The following CDH12 variants were observed in gnomAD, a reference collection of about 807,000 sequenced individuals.
CDH12 encodes the protein cadherin-12.
A neutral mutation model predicts 74.1 loss-of-function variants in CDH12; 41 were observed. That is an observed-to-expected ratio of 0.55 (90% confidence interval 0.43 to 0.72). The LOEUF (loss-of-function observed/expected upper bound fraction) is 0.72. CDH12 is among the 30% of genes least tolerant of loss of function. The pLI, the probability that CDH12 is intolerant of heterozygous loss-of-function variation, is 0.00. For missense variants in CDH12, 945 were observed against 977.2 expected, an observed-to-expected ratio of 0.97 and a Z score of 0.44; for synonymous variants, 399 against 355.0, an observed-to-expected ratio of 1.12 and a Z score of -1.39.
chr5:22,324,186 C>T (rs778313919), intron 3 of CDH12, among the ~76,000 whole-genome samples: 69 of 152,114 alleles, frequency 4.5e-4, no homozygotes, highest in Middle Eastern at 6.8e-3. Flanking sequence ...AACTGTAGGT[C>T]ATAAAGATTC....
chr5:21,880,671 C>CTTTCT (rs1561268799), intron 6 of CDH12, among the ~76,000 whole-genome samples: 3 of 120,212 alleles, frequency 2.5e-5, no homozygotes, highest in Non-Finnish European at 5.3e-5. Context: ...TTCTTTCTTT[C>CTTTCT]TTTCTTTCTT....
In CDH12 at chr5:22,549,122, ATTTGTTTTTTT is replaced by A. The variant is rs561494766; in HGVS notation, c.-522-43769_-522-43759del. Among the ~76,000 whole-genome samples, 1,128 of 139,354 alleles carry A rather than the reference ATTTGTTTTTTT, an allele frequency of 8.1e-3. 8 individuals are homozygous for A. The highest frequency in any genetic ancestry group is 0.011 in the Admixed American group (143 of 12,522). The allele number at this position is 139,354 out of a possible 152,430, so 91.4% of individuals were successfully genotyped here. A position where few individuals can be genotyped will look rare whatever the true frequency, so the allele number is the denominator to read the frequency against. The stretch of plus-strand genomic sequence containing the variant: ...CCCTGGCCTAGTTTTTTGTTTGTTT[ATTTGTTTTTTT>A]TTTGTTTTTTTTGTTTTTTTGTAGA... On this transcript the variant is annotated intron_variant, in intron 1 of 14. Transcript: ENST00000382254.
chr5:22,196,209 A>G (rs1750610608), intron 4 of CDH12, among the ~76,000 whole-genome samples: 2 of 146,780 alleles, frequency 1.4e-5, no homozygotes, highest in African/African-American at 5.1e-5. Flanking sequence ...CAGTGGCATG[A>G]TCTCGGCTCA....
chr5:21,974,467 G>A (rs1317265671), intron 6 of CDH12, among the ~76,000 whole-genome samples: 2 of 151,902 alleles, frequency 1.3e-5, no homozygotes, highest in South Asian at 2.1e-4. Context: ...TTAGAATGAT[G>A]GTGCTACTAT....
intron 1 of CDH12, among the ~76,000 whole-genome samples, chr5:22,586,321 C>T (rs1740398483): frequency 6.6e-6 from 1 of 151,872 alleles, no homozygotes; most frequent in Non-Finnish European, 1.5e-5. Flanking sequence ...GGGAACATCA[C>T]ACACTGGGGC....
chr5:22,840,279 C>A (rs1238397437), intron 1 of CDH12, among the ~76,000 whole-genome samples: 3 of 151,950 alleles, frequency 2.0e-5, no homozygotes, highest in Non-Finnish European at 4.4e-5. Flanking sequence ...AGCCACCATA[C>A]CCGGCTAATT....
At chr5:22,270,238 G>T (rs945897778) in intron 3 of CDH12, among the ~76,000 whole-genome samples, 1 of 151,992 alleles carries the variant, frequency 6.6e-6, no homozygotes, top group African/African-American at 2.4e-5. Context: ...CACATCTATT[G>T]CTATTACTAA....
intron 2 of CDH12, among the ~76,000 whole-genome samples, chr5:22,493,819 G>C (rs1441713347): frequency 6.6e-6 from 1 of 152,138 alleles, no homozygotes; most frequent in Non-Finnish European, 1.5e-5. Flanking sequence ...ATGAGACCAT[G>C]GGACCTGGAA....
intron 6 of CDH12, among the ~76,000 whole-genome samples, chr5:21,893,795 A>G (rs1752998588): frequency 6.6e-6 from 1 of 152,226 alleles, no homozygotes; most frequent in Non-Finnish European, 1.5e-5. Flanking sequence ...AGTTATAAAG[A>G]AACAAATTTG....
rs767086583 is a variant in CDH12, at chr5:21,802,230, G to A, written c.1193C>T (p.Pro398Leu). ...LYTMEVYEDT[P>L]VGTIIGAVTA... ...GACAGCGCCAATGATGGTCCCTACC[G>A]GAGTGTCTTCATAAACCTCCATGGT... Residue 398 changes from proline (P) to leucine (L), a missense_variant, in exon 10 of 15, where the codon CCG becomes CTG. Transcript: ENST00000382254. 4.3e-6 allele frequency: 7 copies of A among 1,613,752 alleles called. No homozygotes were observed. Among genetic ancestry groups the A allele is most frequent in the African/African-American group, 1.3e-5 (1 of 74,974 alleles).
intron 5 of CDH12, among the ~76,000 whole-genome samples, chr5:22,049,593 A>T (rs917859330): frequency 7.9e-5 from 12 of 152,120 alleles, no homozygotes; most frequent in African/African-American, 2.9e-4. Flanking sequence ...CAATCCAAAC[A>T]TACCTAAAAT....
intron 4 of CDH12, among the ~76,000 whole-genome samples, chr5:22,082,251 T>C (rs1742786927): frequency 6.6e-6 from 1 of 152,218 alleles, no homozygotes; most frequent in Admixed American, 6.5e-5. Flanking sequence ...TCTTTCCTTA[T>C]TAAGTAGAGA....
At chr5:21,874,268 A>C (rs1397028585) in intron 6 of CDH12, among the ~76,000 whole-genome samples, 1 of 152,182 alleles carries the variant, frequency 6.6e-6, no homozygotes, top group African/African-American at 2.4e-5. Context: ...ATATGAAGGA[A>C]GGCTCAACAT....
At chr5:22,458,351 T>C (rs1388144031) in intron 2 of CDH12, among the ~76,000 whole-genome samples, 3 of 152,106 alleles carry the variant, frequency 2.0e-5, no homozygotes, top group Non-Finnish European at 4.4e-5. Context: ...TTAGATCCCA[T>C]CCTAAAAAAA....
chr5:22,195,700 A>G (rs977167366), intron 4 of CDH12, among the ~76,000 whole-genome samples: 7 of 152,108 alleles, frequency 4.6e-5, no homozygotes, highest in African/African-American at 1.7e-4. Context: ...GGATTCTCCA[A>G]CTCTCACTCT....
chr5:22,768,505 G>T (rs1746638295), intron 1 of CDH12, among the ~76,000 whole-genome samples: 1 of 151,930 alleles, frequency 6.6e-6, no homozygotes, highest in Non-Finnish European at 1.5e-5. Context: ...ATACATTAGT[G>T]ATTTTTATTA....
chr5:22,059,114 T>C (rs1199310429), intron 5 of CDH12, among the ~76,000 whole-genome samples: 2 of 152,130 alleles, frequency 1.3e-5, no homozygotes, highest in African/African-American at 2.4e-5. Context: ...CATGATCAGG[T>C]AGTGAATAAG....
intron 11 of CDH12, among the ~76,000 whole-genome samples, chr5:21,776,829 G>A (rs1383328015): frequency 6.6e-6 from 1 of 152,166 alleles, no homozygotes; most frequent in Non-Finnish European, 1.5e-5. Flanking sequence ...CCCAAGACAG[G>A]ACCTGTGATG....
chr5:22,151,677 C>T (rs1471829706), intron 4 of CDH12, among the ~76,000 whole-genome samples: 1 of 152,096 alleles, frequency 6.6e-6, no homozygotes, highest in Non-Finnish European at 1.5e-5. Context: ...ATTTTCCCCT[C>T]AGAAGCAATT....
Sources: gnomAD v4.1 joint callset for allele counts (sites outside exome capture counted in the v4.1 genomes callset) on GRCh38, gnomAD v4.1.1 for gene constraint, MANE v1.5 for transcripts, NCBI Gene and HGNC (gene_info 2026-07-23, HGNC 2026-07-21) for gene names.